COL21A1: variants seen among roughly 807,000 people sequenced by gnomAD.
The protein encoded by COL21A1 is collagen alpha-1(XXI) chain.
Under a neutral mutation model 137.9 loss-of-function variants are expected in COL21A1, and 149 were observed. The observed-to-expected ratio is 1.08, with a 90% CI of 0.95 to 1.24. COL21A1 has a LOEUF of 1.24. COL21A1 is among the 50% of genes most tolerant of loss of function. COL21A1 has a pLI of 0.00. For synonymous variants in COL21A1, 456 were observed against 391.5 expected (o/e 1.16, Z -1.95); for missense variants, 1,167 against 1,158.4 (o/e 1.01, Z -0.11).
chr6:56,108,401 A>G (rs1056866070), intron 16 of COL21A1, among the ~76,000 whole-genome samples: 1 of 152,034 alleles, frequency 6.6e-6, no homozygotes, highest in African/African-American at 2.4e-5. Flanking sequence ...AAGCTAGACA[A>G]TAGAAGGATG....
chr6:56,115,306 A>G (rs1285163621), intron 16 of COL21A1, among the ~76,000 whole-genome samples: 22 of 152,180 alleles, frequency 1.4e-4, no homozygotes, highest in South Asian at 4.1e-4. Context: ...ATAAAGAAAA[A>G]AAAAAAAAAG....
chr6:56,216,247 C>A (rs1002438237), intron 1 of COL21A1, among the ~76,000 whole-genome samples: 2 of 151,922 alleles, frequency 1.3e-5, no homozygotes, highest in Non-Finnish European at 2.9e-5. Flanking sequence ...CATTAGTGGC[C>A]GTGTTCCAAC....
chr6:56,267,321 T>C (rs1335724986), intron 1 of COL21A1, among the ~76,000 whole-genome samples: 4 of 152,138 alleles, frequency 2.6e-5, no homozygotes, highest in Non-Finnish European at 5.9e-5. Context: ...TCCTGGTGCA[T>C]AAAAACTTTT....
chr6:56,166,850 A>G, intron 7 of COL21A1, 56 bp downstream of exon 7: 1 of 1,261,962 alleles, frequency 7.9e-7, no homozygotes, highest in Non-Finnish European at 1.1e-6. Context: ...CTTTTTATTT[A>G]TTGCTTTGAA....
chr6:56,332,539 T>C lies in COL21A1; in HGVS notation c.-39+61432A>G, dbSNP rs77178013. 9.0e-3 allele frequency among the ~76,000 whole-genome samples: 1,360 copies of C among 151,682 alleles called. 27 individuals carry two copies. Among genetic ancestry groups the C allele is most frequent in the African/African-American group, 0.032 (1,309 of 41,230 alleles). ...ATAGATTACTATGGTATGGAATTTA[T>C]GTCTCAAAGGATTGGGGTTTTTAAT... On this transcript the variant is annotated intron_variant, in intron 1 of 28. Transcript: ENST00000370819.
At chr6:56,082,350 T>C (rs1376873895) in intron 17 of COL21A1, among the ~76,000 whole-genome samples, 1 of 151,862 alleles carries the variant, frequency 6.6e-6, no homozygotes, top group East Asian at 1.9e-4. Context: ...CAAACAAGCA[T>C]GTATGTATAG....
intron 1 of COL21A1, among the ~76,000 whole-genome samples, chr6:56,289,815 G>A (rs1412493766): frequency 6.6e-6 from 1 of 152,106 alleles, no homozygotes; most frequent in African/African-American, 2.4e-5. Flanking sequence ...GCCAGATGGA[G>A]GTCGTTAAGG....
chr6:56,136,812 T>C (rs927425537), intron 12 of COL21A1, among the ~76,000 whole-genome samples: 1 of 152,192 alleles, frequency 6.6e-6, no homozygotes, highest in African/African-American at 2.4e-5. Context: ...TTTAAAGGTT[T>C]GATGACCTAT....
chr6:56,065,644 T>A (rs573454714), intron 23 of COL21A1, among the ~76,000 whole-genome samples: 64 of 151,502 alleles, frequency 4.2e-4, no homozygotes, highest in Middle Eastern at 3.4e-3. Flanking sequence ...GATAGGAGGG[T>A]GTATCAGGGA....
At chr6:56,176,105 T>G (rs1777450836) in intron 3 of COL21A1, among the ~76,000 whole-genome samples, 1 of 152,108 alleles carries the variant, frequency 6.6e-6, no homozygotes, top group Non-Finnish European at 1.5e-5. Flanking sequence ...ACCCTTATTT[T>G]ACACCATACA....
intron 1 of COL21A1, among the ~76,000 whole-genome samples, chr6:56,302,665 T>C (rs1029504249): frequency 7.9e-5 from 12 of 151,962 alleles, no homozygotes; most frequent in Admixed American, 5.2e-4. Context: ...AAAATTTTCT[T>C]CCATTCTGTA....
At chr6:56,304,897 G>C (rs1295379562) in intron 1 of COL21A1, among the ~76,000 whole-genome samples, 1 of 152,160 alleles carries the variant, frequency 6.6e-6, no homozygotes, top group Non-Finnish European at 1.5e-5. Flanking sequence ...TCTACACACT[G>C]CTTTGAATGT....
chr6:56,152,189 T>C (rs1039154493), intron 10 of COL21A1, among the ~76,000 whole-genome samples: 126 of 152,298 alleles, frequency 8.3e-4, no homozygotes, highest in African/African-American at 2.9e-3. Context: ...TTCCAGCTTC[T>C]AGAGGCTGCC....
chr6:56,332,643 G>A (rs1765255751), intron 1 of COL21A1, among the ~76,000 whole-genome samples: 1 of 150,672 alleles, frequency 6.6e-6, no homozygotes, highest in Middle Eastern at 3.4e-3. Flanking sequence ...TAGGGTCGGA[G>A]ACTGTTTATT....
intron 12 of COL21A1, among the ~76,000 whole-genome samples, chr6:56,141,092 A>C (rs2152236238): frequency 6.6e-6 from 1 of 152,294 alleles, no homozygotes; most frequent in Non-Finnish European, 1.5e-5. Flanking sequence ...TAGTGTGTAA[A>C]ACTCAACTAA....
chr6:56,219,098 C>T (rs886978866), intron 1 of COL21A1, among the ~76,000 whole-genome samples: 1 of 150,740 alleles, frequency 6.6e-6, no homozygotes, highest in Non-Finnish European at 1.5e-5. Context: ...AACCAGTTCT[C>T]GATCAAACTG....
At chr6:56,112,878 T>C (rs1771575988) in intron 16 of COL21A1, among the ~76,000 whole-genome samples, 1 of 152,042 alleles carries the variant, frequency 6.6e-6, no homozygotes, top group African/African-American at 2.4e-5. Context: ...GAGATGGGGT[T>C]TCTCCATGTT....
intron 17 of COL21A1, among the ~76,000 whole-genome samples, chr6:56,097,939 AT>A (rs1562188737): frequency 1.1e-5 from 1 of 93,748 alleles, no homozygotes; most frequent in Non-Finnish European, 1.9e-5. Context: ...ATATATAAAA[AT>A]ATATATAAAT....
chr6:56,295,152 T>G (rs1314097916), intron 1 of COL21A1, among the ~76,000 whole-genome samples: 1 of 151,938 alleles, frequency 6.6e-6, no homozygotes, highest in African/African-American at 2.4e-5. Flanking sequence ...TTTATTTTAT[T>G]TTTTTTACTC....
Sources: allele counts gnomAD v4.1 joint callset (sites outside exome capture counted in the v4.1 genomes callset), GRCh38; gene constraint gnomAD v4.1.1; transcripts MANE v1.5; gene names NCBI Gene and HGNC (gene_info 2026-07-23, HGNC 2026-07-21).